TBC1D5: variants seen among roughly 807,000 people sequenced by gnomAD.
TBC1D5 encodes the protein TBC1 domain family member 5.
In TBC1D5, 75 loss-of-function variants were observed where a neutral mutation model predicts 100.3. The observed-to-expected ratio is 0.75, with a 90% CI of 0.62 to 0.91. The LOEUF is 0.91. Among genes scored for constraint, TBC1D5 ranks in the 40% least tolerant of loss-of-function variants. The probability of loss-of-function intolerance (pLI) is 0.00; values close to 1 mark genes in which losing one functional copy is unlikely to be tolerated. For synonymous variants in TBC1D5, 323 were observed against 325.6 expected (o/e 0.99, Z 0.09); for missense variants, 910 against 942.4 (o/e 0.97, Z 0.45).
In TBC1D5 at chr3:17,351,606, C is replaced by T. The variant is rs184381080; in HGVS notation, c.995+20469G>A. Among the ~76,000 whole-genome samples, 419 of 152,066 alleles carry T rather than the reference C, an allele frequency of 2.8e-3. 2 individuals carry two copies. Among genetic ancestry groups the T allele is most frequent in the Non-Finnish European group, 5.0e-3 (343 of 67,982 alleles). ...GGGTGGGGAGCAAGGGGAGGGATAG[C>T]ATTAGGAGAAATACCTAATATAGAT... On this transcript the variant is annotated intron_variant, in intron 13 of 21. Coordinates refer to ENST00000253692, the Ensembl canonical transcript of TBC1D5.
chr3:17,545,211 C>G (rs1195096109), intron 2 of TBC1D5, among the ~76,000 whole-genome samples: 1 of 152,108 alleles, frequency 6.6e-6, no homozygotes, highest in Non-Finnish European at 1.5e-5. Context: ...ACAGCAAAAA[C>G]CAAGTTAAAT....
intron 13 of TBC1D5, among the ~76,000 whole-genome samples, chr3:17,371,247 C>A (rs2092440398): frequency 6.6e-6 from 1 of 152,022 alleles, no homozygotes; most frequent in Non-Finnish European, 1.5e-5. Flanking sequence ...GAGGGTAGAA[C>A]AAAAGATGAT....
At chr3:17,723,950 T>C (rs367699165) in intron 1 of TBC1D5, among the ~76,000 whole-genome samples, 1 of 152,192 alleles carries the variant, frequency 6.6e-6, no homozygotes, top group East Asian at 1.9e-4. Context: ...AAAATATATC[T>C]ATCTATACAT....
rs79132515 is a variant in TBC1D5, at chr3:17,246,985, C to T, written c.1332-8566G>A. The stretch of plus-strand genomic sequence containing the variant: ...CTTGGGTCACACCAAATTGTTTACA[C>T]TAACAATGGGATGTATGGTAAACAC... On this transcript the variant is annotated intron_variant, in intron 16 of 21. Transcript: ENST00000253692. 9.8e-3 allele frequency among the ~76,000 whole-genome samples: 1,500 copies of T among 152,316 alleles called. 20 individuals carry two copies. The highest frequency in any genetic ancestry group is 0.034 in the African/African-American group (1,418 of 41,554).
Position 17,441,054 on chromosome 3 carries a change from C to G in TBC1D5, c.98-12535G>C, listed in dbSNP as rs138501839. On this transcript the variant is annotated intron_variant, in intron 3 of 21. Coordinates refer to ENST00000253692, the Ensembl canonical transcript of TBC1D5. ...AGACTGGATAAGAAGCTGTGTGGTA[C>G]CCTAAGGCAAAAATAAATGATAGAA... Among the ~76,000 whole-genome samples, 17 of 152,104 alleles carry G rather than the reference C, an allele frequency of 1.1e-4. 1 individual carries two copies. In the East Asian group the frequency reaches 3.3e-3, roughly 29 times the overall value.
In TBC1D5 at chr3:17,552,486, C is replaced by T. The variant is rs556628883; in HGVS notation, c.-35-43881G>A. 2.6e-5 allele frequency among the ~76,000 whole-genome samples: 4 copies of T among 152,148 alleles called. No homozygotes were observed. The East Asian group carries it at 7.7e-4, about 29-fold the overall frequency. The stretch of plus-strand genomic sequence containing the variant: ...CTGGAGGTTGAAGTAAGCAGAAAGG[C>T]AAATCATGAAAGAAGACATTCATTC... On this transcript the variant is annotated intron_variant, in intron 2 of 21. Coordinates refer to ENST00000253692, the Ensembl canonical transcript of TBC1D5.
intron 17 of TBC1D5, among the ~76,000 whole-genome samples, chr3:17,219,449 TCC>T (rs1280950152): frequency 6.6e-6 from 1 of 150,932 alleles, no homozygotes; most frequent in Non-Finnish European, 1.5e-5. Context: ...GCCTGCTTTT[TCC>T]CCTTTGTGTG....
At chr3:17,169,214 C>T (rs1346309276) in intron 19 of TBC1D5, among the ~76,000 whole-genome samples, 2 of 152,234 alleles carry the variant, frequency 1.3e-5, no homozygotes, top group African/African-American at 2.4e-5. Flanking sequence ...AGGATATAAA[C>T]TCCAAGGTGT....
At chr3:17,497,289 A>T (rs1411285196) in intron 3 of TBC1D5, among the ~76,000 whole-genome samples, 3 of 152,114 alleles carry the variant, frequency 2.0e-5, no homozygotes, top group African/African-American at 7.2e-5. Flanking sequence ...TTTGCATGGT[A>T]TTTTTTCTCT....
intron 2 of TBC1D5, among the ~76,000 whole-genome samples, chr3:17,591,340 G>A (rs2096770631): frequency 1.4e-5 from 2 of 142,694 alleles, no homozygotes; most frequent in Non-Finnish European, 1.5e-5. Context: ...AGAAACTCTT[G>A]AATGAAAGCA....
At chr3:17,639,510 C>T (rs1244615696) in intron 1 of TBC1D5, among the ~76,000 whole-genome samples, 1 of 151,154 alleles carries the variant, frequency 6.6e-6, no homozygotes, top group Non-Finnish European at 1.5e-5. Flanking sequence ...AAAGATGAAT[C>T]ATACCTTTTG....
intron 3 of TBC1D5, among the ~76,000 whole-genome samples, chr3:17,471,390 A>T (rs2095370333): frequency 6.6e-6 from 1 of 152,204 alleles, no homozygotes; most frequent in Non-Finnish European, 1.5e-5. Context: ...AATAATTTTT[A>T]AAATGTTTGG....
chr3:17,450,851 C>G (rs2094909617), intron 3 of TBC1D5, among the ~76,000 whole-genome samples: 1 of 152,212 alleles, frequency 6.6e-6, no homozygotes, highest in Non-Finnish European at 1.5e-5. Context: ...CCTAGCAAGA[C>G]AGGCCAACAT....
At chr3:17,675,918 T>C (rs1251226284) in intron 1 of TBC1D5, among the ~76,000 whole-genome samples, 1 of 152,180 alleles carries the variant, frequency 6.6e-6, no homozygotes, top group African/African-American at 2.4e-5. Context: ...TGCCCCTTAC[T>C]ATATGATATT....
intron 2 of TBC1D5, among the ~76,000 whole-genome samples, chr3:17,613,815 A>C (rs1280572578): frequency 1.3e-5 from 2 of 151,958 alleles, no homozygotes; most frequent in Non-Finnish European, 2.9e-5. Context: ...GAGTGTAAAA[A>C]TTTTCTCCCA....
intron 1 of TBC1D5, among the ~76,000 whole-genome samples, chr3:17,735,169 TAAATA>T (rs1476177115): frequency 3.3e-5 from 5 of 152,130 alleles, no homozygotes; most frequent in African/African-American, 4.8e-5. Flanking sequence ...CAATTTCTCC[TAAATA>T]AATAATGCAT....
chr3:17,235,180 C>T (rs1343344935), intron 17 of TBC1D5, among the ~76,000 whole-genome samples: 1 of 152,150 alleles, frequency 6.6e-6, no homozygotes, highest in African/African-American at 2.4e-5. Flanking sequence ...CTGGGCTGCT[C>T]CTTCACTATC....
At chr3:17,296,652 T>C (rs1387008212) in intron 14 of TBC1D5, among the ~76,000 whole-genome samples, 3 of 152,242 alleles carry the variant, frequency 2.0e-5, no homozygotes, top group Admixed American at 6.5e-5. Flanking sequence ...AAGTCTAGTG[T>C]TTAAAACCCT....
rs145273144 is a variant in TBC1D5, at chr3:17,229,617, T to C, written c.1588+8546A>G. ...GCAGGTAGCACCCTAGAGCCCTCAC[T>C]ATGCAACAGGTGCTGTGATGATGTC... On this transcript the variant is annotated intron_variant, in intron 17 of 21. Transcript: ENST00000253692. Among the ~76,000 whole-genome samples the C allele has an allele frequency of 2.8e-3, 430 of 152,296 alleles. 1 individual carries two copies. The highest frequency in any genetic ancestry group is 9.4e-3 in the African/African-American group (391 of 41,560).
Sources: gnomAD v4.1 joint callset for allele counts (sites outside exome capture counted in the v4.1 genomes callset) on GRCh38, gnomAD v4.1.1 for gene constraint, MANE v1.5 for transcripts, NCBI Gene and HGNC (gene_info 2026-07-23, HGNC 2026-07-21) for gene names.